Variants in LSAMP observed in about 807,000 individuals in gnomAD.
LSAMP encodes limbic system-associated membrane protein.
LSAMP carries 7 observed loss-of-function variants against 38.6 expected under a neutral mutation model. The observed-to-expected ratio is 0.18, with a 90% CI of 0.10 to 0.34. The LOEUF (loss-of-function observed/expected upper bound fraction) is 0.34, where lower values mean the gene tolerates loss of function less well. Among genes scored for constraint, LSAMP ranks in the 10% least tolerant of loss-of-function variants. The pLI is 1.00. For synonymous variants in LSAMP, 154 were observed against 166.8 expected, an observed-to-expected ratio of 0.92 and a Z score of 0.59; for missense variants, 313 against 420.0, an observed-to-expected ratio of 0.75 and a Z score of 2.23.
intron 1 of LSAMP, among the ~76,000 whole-genome samples, chr3:116,240,169 C>T (rs1201828001): frequency 1.3e-5 from 2 of 152,100 alleles, no homozygotes; most frequent in African/African-American, 4.8e-5. Context: ...TATAAGTATC[C>T]TTGAAGCCTT....
Position 115,843,310 on chromosome 3 carries a change from C to T in LSAMP, c.650-732G>A, listed in dbSNP as rs1156331418. ...CAGGAATGGGCCTACAAAACTATCA[C>T]AGGCTTGAAATCAGCTGGGAAACAC... is the stretch of plus-strand genomic sequence containing the variant. On this transcript the variant is annotated intron_variant, in intron 4 of 6. Transcript: ENST00000490035. 2.6e-5 allele frequency among the ~76,000 whole-genome samples: 4 copies of T among 152,358 alleles called. No individual in the cohort carries two copies. In the East Asian group the frequency reaches 7.7e-4, roughly 29 times the overall value.
chr3:116,257,410 T>C (rs971260327), intron 1 of LSAMP, among the ~76,000 whole-genome samples: 1 of 152,174 alleles, frequency 6.6e-6, no homozygotes, highest in East Asian at 1.9e-4. Context: ...CTTGTGTCTT[T>C]TCTGCTTTTT....
intron 1 of LSAMP, among the ~76,000 whole-genome samples, chr3:116,422,648 C>G (rs1269633166): frequency 6.6e-6 from 1 of 152,068 alleles, no homozygotes; most frequent in Admixed American, 6.5e-5. Flanking sequence ...TGAAAGTATT[C>G]TAAAACTAGA....
intron 3 of LSAMP, among the ~76,000 whole-genome samples, chr3:116,017,268 A>T (rs1345343719): frequency 2.6e-5 from 4 of 152,172 alleles, no homozygotes; most frequent in Non-Finnish European, 5.9e-5. Context: ...TTTCTTGAAA[A>T]GCCTATTTGC....
intron 3 of LSAMP, among the ~76,000 whole-genome samples, chr3:115,863,467 G>A (rs1935766977): frequency 6.6e-6 from 1 of 151,962 alleles, no homozygotes; most frequent in Non-Finnish European, 1.5e-5. Context: ...TATTGAATTG[G>A]AATGCTTAAA....
In LSAMP at chr3:116,155,745, A is replaced by AT. The variant is rs80106328; in HGVS notation, c.156-69190dup. On this transcript the variant is annotated intron_variant, in intron 1 of 6. Transcript: ENST00000490035. ...GAAAGCTCTGTAAGTAGAGATTTGC[A>AT]TTTTTTTACCTCTATATTTCTAACC... Among the ~76,000 whole-genome samples, 414 of 151,776 alleles carry AT rather than the reference A, an allele frequency of 2.7e-3. 5 individuals carry two copies. Among genetic ancestry groups the AT allele is most frequent in the Admixed American group, 0.017 (256 of 15,212 alleles).
chr3:116,271,334 A>G (rs1429386373), intron 1 of LSAMP, among the ~76,000 whole-genome samples: 1 of 152,054 alleles, frequency 6.6e-6, no homozygotes, highest in Non-Finnish European at 1.5e-5. Context: ...TCTCTTGTAG[A>G]CTAACTACAA....
intron 3 of LSAMP, among the ~76,000 whole-genome samples, chr3:115,963,828 A>C (rs1318473644): frequency 6.6e-6 from 1 of 152,072 alleles, no homozygotes; most frequent in African/African-American, 2.4e-5. Flanking sequence ...ATCACAGCTC[A>C]CTGCAGCCTT....
At chr3:116,258,457 G>A (rs1000674081) in intron 1 of LSAMP, among the ~76,000 whole-genome samples, 8 of 151,628 alleles carry the variant, frequency 5.3e-5, no homozygotes, top group Admixed American at 3.9e-4. Context: ...TTAGAAACCC[G>A]TAATCTTTAA....
At chr3:115,990,105 C>T (rs143407350) in intron 3 of LSAMP, among the ~76,000 whole-genome samples, 1 of 152,028 alleles carries the variant, frequency 6.6e-6, no homozygotes, top group Non-Finnish European at 1.5e-5. Flanking sequence ...TAGTTCTTAA[C>T]CAGCCTCCAC....
At chr3:116,273,707 T>TATACAC (rs1307543165) in intron 1 of LSAMP, among the ~76,000 whole-genome samples, 1 of 102,596 alleles carries the variant, frequency 9.7e-6, no homozygotes, top group Non-Finnish European at 1.8e-5. Context: ...TATATATATA[T>TATACAC]ACACACACAC....
chr3:116,210,518 C>A (rs936376465), intron 1 of LSAMP, among the ~76,000 whole-genome samples: 1 of 152,176 alleles, frequency 6.6e-6, no homozygotes, highest in South Asian at 2.1e-4. Flanking sequence ...CAGGAGCTCT[C>A]GGGCCTTTGG....
intron 1 of LSAMP, among the ~76,000 whole-genome samples, chr3:116,139,378 G>T (rs546701559): frequency 7.0e-4 from 106 of 152,030 alleles, no homozygotes; most frequent in African/African-American, 2.5e-3. Context: ...GAGGACCAAG[G>T]TTTCTGAGGC....
At chr3:115,836,102 C>T (rs1401344278) in intron 6 of LSAMP, among the ~76,000 whole-genome samples, 1 of 152,120 alleles carries the variant, frequency 6.6e-6, no homozygotes, top group Non-Finnish European at 1.5e-5. Flanking sequence ...TGGGTAAATG[C>T]ACTCTGCCCT....
intron 1 of LSAMP, among the ~76,000 whole-genome samples, chr3:116,189,041 A>G (rs1412212272): frequency 6.6e-6 from 1 of 152,244 alleles, no homozygotes; most frequent in African/African-American, 2.4e-5. Context: ...GATAATAAAG[A>G]CCAACTAATT....
chr3:116,437,658 G>T (rs1179124871), intron 1 of LSAMP, among the ~76,000 whole-genome samples: 1 of 151,558 alleles, frequency 6.6e-6, no homozygotes, highest in Non-Finnish European at 1.5e-5. Flanking sequence ...GAGGGAGGAG[G>T]AAGGGAGAGA....
At chr3:115,877,622 C>CTTT (rs1936216251) in intron 3 of LSAMP, among the ~76,000 whole-genome samples, 1 of 152,112 alleles carries the variant, frequency 6.6e-6, no homozygotes, top group African/African-American at 2.4e-5. Context: ...CCCTTCCCTA[C>CTTT]TAGAAGCAGA....
intron 3 of LSAMP, among the ~76,000 whole-genome samples, chr3:115,969,165 TGGTTCTTATAAA>T (rs1938927345): frequency 1.3e-5 from 2 of 152,226 alleles, no homozygotes; most frequent in Non-Finnish European, 2.9e-5. Context: ...ATCTGATTGT[TGGTTCTTATAAA>T]GGTGCTTTCA....
At chr3:116,100,101 G>A (rs1303057338) in intron 1 of LSAMP, among the ~76,000 whole-genome samples, 1 of 97,538 alleles carries the variant, frequency 1.0e-5, no homozygotes, top group Non-Finnish European at 1.9e-5. Flanking sequence ...GGGGGGTGGG[G>A]TACAGAGTCT....
Sources: gnomAD v4.1 joint callset for allele counts (sites outside exome capture counted in the v4.1 genomes callset) on GRCh38, gnomAD v4.1.1 for gene constraint, MANE v1.5 for transcripts, NCBI Gene and HGNC (gene_info 2026-07-23, HGNC 2026-07-21) for gene names.